The following BICC1 variants were observed in gnomAD, a reference collection of about 807,000 sequenced individuals.
The protein encoded by BICC1 is protein bicaudal C homolog 1.
BICC1 carries 43 observed loss-of-function variants against 111.0 expected under a neutral mutation model. The observed-to-expected ratio is 0.39, with a 90% confidence interval of 0.30 to 0.50. The LOEUF is 0.50. Among genes scored for constraint, BICC1 ranks in the 20% least tolerant of loss-of-function variants. The pLI is 0.88. For missense variants in BICC1, 1,091 were observed against 1,203.2 expected (o/e 0.91, Z 1.38); for synonymous variants, 467 against 434.4 (o/e 1.07, Z -0.93).
chr10:58,595,530 G>A (rs1844783701), intron 1 of BICC1, among the ~76,000 whole-genome samples: 1 of 152,126 alleles, frequency 6.6e-6, no homozygotes, highest in Admixed American at 6.5e-5. Flanking sequence ...AGACCACAGT[G>A]CAATCAAATT....
At chr10:58,819,932 T>G (rs980074588) in intron 19 of BICC1, among the ~76,000 whole-genome samples, 1 of 152,142 alleles carries the variant, frequency 6.6e-6, no homozygotes, top group African/African-American at 2.4e-5. Flanking sequence ...TCTGATTGTG[T>G]CTGGGAATTC....
At chr10:58,631,783 A>G (rs191170573) in intron 2 of BICC1, among the ~76,000 whole-genome samples, 83 of 152,316 alleles carry the variant, frequency 5.4e-4, no homozygotes, top group Admixed American at 1.4e-3. Flanking sequence ...ACCAGCTTCA[A>G]TTTCCACGTG....
intron 1 of BICC1, among the ~76,000 whole-genome samples, chr10:58,528,056 C>T (rs1186035389): frequency 6.6e-6 from 1 of 151,880 alleles, no homozygotes; most frequent in Non-Finnish European, 1.5e-5. Flanking sequence ...GCATCTGGCC[C>T]AGAGCTGTGA....
intron 1 of BICC1, among the ~76,000 whole-genome samples, chr10:58,573,802 A>G (rs1300660432): frequency 6.6e-6 from 1 of 150,696 alleles, no homozygotes; most frequent in Non-Finnish European, 1.5e-5. Context: ...TTGACTTCTG[A>G]TTATTCTTCA....
chr10:58,817,062 T>C (rs759369699), intron 18 of BICC1, among the ~76,000 whole-genome samples: 1 of 152,156 alleles, frequency 6.6e-6, no homozygotes, highest in Non-Finnish European at 1.5e-5. Context: ...TACCCAGTTA[T>C]ATTTTTTAGG....
At chr10:58,561,146 T>A (rs911537962) in intron 1 of BICC1, among the ~76,000 whole-genome samples, 1 of 152,044 alleles carries the variant, frequency 6.6e-6, no homozygotes, top group African/African-American at 2.4e-5. Context: ...AGTCCTCAAC[T>A]ATTATTGTAT....
intron 3 of BICC1, among the ~76,000 whole-genome samples, chr10:58,735,246 A>G (rs1050671063): frequency 1.2e-4 from 18 of 152,276 alleles, no homozygotes; most frequent in Middle Eastern, 3.4e-3. Context: ...TGGAACATGT[A>G]GTCTTCTGTT....
chr10:58,555,216 T>C (rs1045575875), intron 1 of BICC1, among the ~76,000 whole-genome samples: 12 of 151,926 alleles, frequency 7.9e-5, no homozygotes, highest in Admixed American at 6.6e-4. Context: ...CTTCTGAAAT[T>C]TGATGTAATG....
intron 2 of BICC1, among the ~76,000 whole-genome samples, chr10:58,642,133 A>G (rs1157460858): frequency 6.6e-6 from 1 of 152,228 alleles, no homozygotes; most frequent in Non-Finnish European, 1.5e-5. Flanking sequence ...TAAAGCTGGC[A>G]TTTAGAATTA....
At chr10:58,692,725 G>A (rs143876007) in intron 2 of BICC1, among the ~76,000 whole-genome samples, 41 of 152,140 alleles carry the variant, frequency 2.7e-4, no homozygotes, top group African/African-American at 9.4e-4. Flanking sequence ...TCAGGAGTCT[G>A]GATCAGCTTC....
chr10:58,737,395 A>G (rs543590173), intron 3 of BICC1, among the ~76,000 whole-genome samples: 72 of 152,280 alleles, frequency 4.7e-4, no homozygotes, highest in Middle Eastern at 3.4e-3. Context: ...GATGGTTTCC[A>G]GCTTCATCCA....
intron 3 of BICC1, among the ~76,000 whole-genome samples, chr10:58,743,397 C>G (rs997526896): frequency 4.0e-5 from 6 of 151,662 alleles, no homozygotes; most frequent in African/African-American, 1.2e-4. Flanking sequence ...ACACATGCAT[C>G]CAACAAAATG....
chr10:58,601,586 A>G (rs1423888643), intron 1 of BICC1, among the ~76,000 whole-genome samples: 2 of 151,996 alleles, frequency 1.3e-5, no homozygotes, highest in Non-Finnish European at 2.9e-5. Flanking sequence ...TTTAAGACCT[A>G]GACTCTTAGA....
intron 3 of BICC1, among the ~76,000 whole-genome samples, chr10:58,728,704 A>AAATAATAAT (rs3076358): frequency 1.6e-4 from 24 of 150,442 alleles, no homozygotes; most frequent in Admixed American, 8.6e-4. Context: ...TGTATTTCTT[A>AAATAATAAT]AATAATAATA....
intron 8 of BICC1, among the ~76,000 whole-genome samples, chr10:58,792,343 G>A (rs533296589): frequency 6.6e-6 from 1 of 152,274 alleles, no homozygotes; most frequent in South Asian, 2.1e-4. Context: ...GGTTTAAACT[G>A]CATTAGGTTA....
chr10:58,729,742 C>T (rs1841227918), intron 3 of BICC1, among the ~76,000 whole-genome samples: 1 of 152,168 alleles, frequency 6.6e-6, no homozygotes, highest in Non-Finnish European at 1.5e-5. Flanking sequence ...GTGAAAGAGG[C>T]AGAGGTGCTA....
In BICC1 at chr10:58,816,597, G is replaced by T. The variant is rs1482211384; in HGVS notation, c.2534-965G>T. On this transcript the variant is annotated intron_variant, in intron 18 of 20. Coordinates refer to ENST00000373886, the MANE Select transcript of BICC1 (RefSeq NM_001080512.3). Reference sequence around the variant, plus strand: ...AGAGTAGACTAGATGGATCTGATTGGCTTTGGTCAGTGTTGTCCTCCCTCA... The same window carrying T: ...AGAGTAGACTAGATGGATCTGATTGTCTTTGGTCAGTGTTGTCCTCCCTCA... Among the ~76,000 whole-genome samples the T allele has an allele frequency of 2.6e-5, 4 of 152,058 alleles. No individual in the cohort carries two copies. In the East Asian group the frequency reaches 7.7e-4, roughly 29 times the overall value.
At chr10:58,749,358 A>G (rs1211737902) in intron 3 of BICC1, among the ~76,000 whole-genome samples, 1 of 152,068 alleles carries the variant, frequency 6.6e-6, no homozygotes, top group Non-Finnish European at 1.5e-5. Context: ...AACTATACGC[A>G]TTATTGTATT....
chr10:58,789,449 C>T lies in BICC1; in HGVS notation c.788C>T (p.Ala263Val). The T allele has an allele frequency of 1.9e-6, 3 of 1,610,562 alleles. No homozygotes were observed. Among genetic ancestry groups the T allele is most frequent in the Non-Finnish European group, 2.5e-6 (3 of 1,178,030 alleles). Reference sequence around the variant, plus strand: ...CGAGGGTCTCAGAATAACACTAGTGCTGTGAAGGTAAATTATTCAGATAAT... The same window carrying T: ...CGAGGGTCTCAGAATAACACTAGTGTTGTGAAGGTAAATTATTCAGATAAT... ...IVRGSQNNTSAVKEGTAMLLE... is the reference protein window; with the variant it reads ...IVRGSQNNTSVVKEGTAMLLE... The change falls in exon 7 of 21, where the codon GCT becomes GTT. Residue 263 changes from alanine to valine, a missense_variant. Physicochemically the swap from Ala to Val is moderately conservative, Grantham distance 64 (BLOSUM62 0). Around this residue, in one of 3 missense-constraint regions of BICC1, gnomAD observed 843 missense variants for 900.8 expected, o/e 0.94. Transcript: ENST00000373886.
Sources: allele counts gnomAD v4.1 joint callset (sites outside exome capture counted in the v4.1 genomes callset), GRCh38; gene constraint gnomAD v4.1.1; regional missense constraint gnomAD v4.1.1; transcripts MANE v1.5; gene names NCBI Gene and HGNC (gene_info 2026-07-23, HGNC 2026-07-21).